The following DACH1 variants were observed in gnomAD, a reference collection of about 807,000 sequenced individuals.
DACH1 encodes dachshund family transcription factor 1, also known as dachshund homolog 1.
Under a neutral mutation model 54.2 loss-of-function variants are expected in DACH1, and 12 were observed. The ratio of observed to expected loss-of-function variants is 0.22; its 90% CI spans 0.14 to 0.36. DACH1 has a LOEUF of 0.36. Ranked by LOEUF, DACH1 falls within the 10% of genes least tolerant of loss-of-function variation. The probability of loss-of-function intolerance (pLI) is 1.00; values close to 1 mark genes in which losing one functional copy is unlikely to be tolerated. For synonymous variants in DACH1, 386 were observed against 366.2 expected (o/e 1.05, Z -0.62); for missense variants, 805 against 929.8 (o/e 0.87, Z 1.75).
At position 71,557,146 on chromosome 13, in the gene DACH1, T is replaced by G; in HGVS notation, c.1448A>C (p.Asn483Thr). 1.2e-6 allele frequency: 2 copies of G among 1,607,246 alleles called. No homozygotes were observed. The highest frequency in any genetic ancestry group is 1.7e-6 in the Non-Finnish European group (2 of 1,177,668). ...SSSDRIPVHQ[N>T]GLSMNQMLMG... The stretch of plus-strand genomic sequence containing the variant: ...CAGCATCTGGTTCATGGACAACCCA[T>G]TCTGATGGACCGCTATTATGGCCCA... The change falls in exon 6 of 11, where the codon AAT becomes ACT. Residue 483 changes from asparagine to threonine, a missense_variant. By Grantham distance (65) the Asn-to-Thr change is moderately conservative. Transcript: ENST00000613252.
At position 71,748,898 on chromosome 13, in the gene DACH1, CTCTTTCTTTCTTTCTTTCTT is replaced by C. The variant is rs796904876; in HGVS notation, c.849-67008_849-66989del. Reference sequence around the variant, plus strand: ...TCTTTCTTTCTTTCTTTCTTTCTTTCTCTTTCTTTCTTTCTTTCTTTCTTTCTTTCTTTCTTTCTTTCTTT... The same window carrying C: ...TCTTTCTTTCTTTCTTTCTTTCTTTCTCTTTCTTTCTTTCTTTCTTTCTTT... On this transcript the variant is annotated intron_variant, in intron 1 of 10. Transcript: ENST00000613252. Among the ~76,000 whole-genome samples the C allele has an allele frequency of 4.5e-4, 18 of 39,602 alleles. 1 individual carries two copies. Among genetic ancestry groups the C allele is most frequent in the Middle Eastern group, 0.028 (2 of 72 alleles). 26.0% of individuals were successfully genotyped at this position (39,602 alleles called of 152,430 possible). A position where few individuals can be genotyped will look rare whatever the true frequency, so the allele number is the denominator to read the frequency against.
intron 3 of DACH1, among the ~76,000 whole-genome samples, chr13:71,582,249 T>C (rs576899316): frequency 6.6e-6 from 1 of 152,276 alleles, no homozygotes; most frequent in East Asian, 1.9e-4. Flanking sequence ...TATAATAAAT[T>C]CTTAGCACAA....
chr13:71,464,506 T>C (rs1421113037), intron 10 of DACH1: 4 of 370,040 alleles, frequency 1.1e-5, no homozygotes, highest in South Asian at 2.0e-5. Flanking sequence ...TTAAAGAAGA[T>C]AAATATTTCA....
At chr13:71,812,029 T>G (rs1156585918) in intron 1 of DACH1, among the ~76,000 whole-genome samples, 1 of 152,210 alleles carries the variant, frequency 6.6e-6, no homozygotes, top group East Asian at 1.9e-4. Context: ...TAAAATGGTC[T>G]ACAGCTGTTT....
intron 1 of DACH1, among the ~76,000 whole-genome samples, chr13:71,860,330 T>C (rs918342076): frequency 6.6e-6 from 1 of 151,768 alleles, no homozygotes; most frequent in Admixed American, 6.6e-5. Context: ...CTAAGGTCAT[T>C]CTATTTTTAT....
chr13:71,815,982 G>A (rs1887904063), intron 1 of DACH1, among the ~76,000 whole-genome samples: 1 of 151,972 alleles, frequency 6.6e-6, no homozygotes, highest in Non-Finnish European at 1.5e-5. Context: ...CTACTCGGGA[G>A]GCTGAGGCAG....
intron 3 of DACH1, among the ~76,000 whole-genome samples, chr13:71,596,453 G>T (rs1874104209): frequency 6.6e-6 from 1 of 152,094 alleles, no homozygotes; most frequent in Non-Finnish European, 1.5e-5. Flanking sequence ...GAAATGTCTG[G>T]TTTATATACA....
chr13:71,602,017 G>T (rs533033049), intron 3 of DACH1, among the ~76,000 whole-genome samples: 4 of 151,948 alleles, frequency 2.6e-5, no homozygotes, highest in Non-Finnish European at 4.4e-5. Flanking sequence ...AATACCCTTG[G>T]CTCATGCAAA....
intron 1 of DACH1, among the ~76,000 whole-genome samples, chr13:71,808,612 A>C (rs1209574036): frequency 6.6e-6 from 1 of 152,162 alleles, no homozygotes; most frequent in African/African-American, 2.4e-5. Context: ...TATTCTGTTC[A>C]AGGTCATTTG....
chr13:71,729,952 G>A (rs1883661390), intron 1 of DACH1, among the ~76,000 whole-genome samples: 1 of 151,830 alleles, frequency 6.6e-6, no homozygotes, highest in Non-Finnish European at 1.5e-5. Context: ...ATTTATTGCG[G>A]CTCCACTCAA....
intron 2 of DACH1, among the ~76,000 whole-genome samples, chr13:71,664,247 A>T (rs1879686863): frequency 6.6e-6 from 1 of 152,022 alleles, no homozygotes; most frequent in Non-Finnish European, 1.5e-5. Context: ...AGGTGAGTCA[A>T]GTCAAGGTCC....
In DACH1 at chr13:71,572,761, T is replaced by A. The variant is rs1252789507; in HGVS notation, c.1299+79A>T. 2.1e-6 allele frequency: 3 copies of A among 1,449,442 alleles called. No homozygotes were observed. The African/African-American group carries it at 4.3e-5, about 21-fold the overall frequency. 89.8% of individuals were successfully genotyped at this position (1,449,442 alleles called of 1,614,324 possible). On this transcript the variant is annotated intron_variant, in intron 4 of 10. Transcript: ENST00000613252. ...TTAGCTTTTTAGAGTTCAGATGTAC[T>A]TATGGAATAAGAAAAATGGATTAAG...
Position 71,529,620 on chromosome 13 carries a change from T to A in DACH1, c.1570+27404A>T, listed in dbSNP as rs569244930. ...GTTGGAAAATAACTTCGGAGAATAT[T>A]CACTAAAGATTTCAGATAACTTTTT... On this transcript the variant is annotated intron_variant, in intron 6 of 10. Transcript: ENST00000613252. Among the ~76,000 whole-genome samples the A allele has an allele frequency of 6.6e-5, 10 of 152,284 alleles. No individual in the cohort carries two copies. The South Asian group carries it at 2.1e-3, about 32-fold the overall frequency.
chr13:71,517,809 C>T (rs918156996), intron 6 of DACH1, among the ~76,000 whole-genome samples: 4 of 151,880 alleles, frequency 2.6e-5, no homozygotes, highest in African/African-American at 9.7e-5. Context: ...AAATCAATCT[C>T]TATCAAGCAA....
chr13:71,585,893 A>T (rs1306277250), intron 3 of DACH1, among the ~76,000 whole-genome samples: 1 of 152,062 alleles, frequency 6.6e-6, no homozygotes, highest in Non-Finnish European at 1.5e-5. Flanking sequence ...GCCACTGGAA[A>T]ATTGATAAAA....
chr13:71,501,345 C>CT (rs1429740124), intron 6 of DACH1, among the ~76,000 whole-genome samples: 1 of 151,838 alleles, frequency 6.6e-6, no homozygotes, highest in African/African-American at 2.4e-5. Flanking sequence ...AATGTGAAGC[C>CT]TAATGGGATA....
chr13:71,748,914 T>TC (rs1566476995), intron 1 of DACH1, among the ~76,000 whole-genome samples: 6 of 43,560 alleles, frequency 1.4e-4, no homozygotes, highest in African/African-American at 2.9e-4. Flanking sequence ...CTTTCTTTCT[T>TC]TCTTTCTTTC....
At chr13:71,700,567 A>C (rs1882076283) in intron 1 of DACH1, among the ~76,000 whole-genome samples, 1 of 62,566 alleles carries the variant, frequency 1.6e-5, no homozygotes, top group Non-Finnish European at 3.9e-5. Context: ...CTCCATCTCA[A>C]AAAAAAAAAA....
At chr13:71,635,882 G>A (rs575052960) in intron 2 of DACH1, among the ~76,000 whole-genome samples, 2 of 152,254 alleles carry the variant, frequency 1.3e-5, no homozygotes, top group Admixed American at 1.3e-4. Flanking sequence ...CCGGGTTCAA[G>A]CAATTCTCCT....
Sources: gnomAD v4.1 joint callset for allele counts (sites outside exome capture counted in the v4.1 genomes callset) on GRCh38, gnomAD v4.1.1 for gene constraint, MANE v1.5 for transcripts, NCBI Gene and HGNC (gene_info 2026-07-23, HGNC 2026-07-21) for gene names.